ADAMTS7: variants seen among roughly 807,000 people sequenced by gnomAD.
ADAMTS7 encodes the protein A disintegrin and metalloproteinase with thrombospondin motifs 7.
Under a neutral mutation model 172.6 loss-of-function variants are expected in ADAMTS7, and 89 were observed. The ratio of observed to expected loss-of-function variants is 0.52; its 90% CI spans 0.43 to 0.61. The LOEUF is 0.61. ADAMTS7 is among the 20% of genes least tolerant of loss of function. The pLI is 0.00. For missense variants in ADAMTS7, 1,973 were observed against 2,355.6 expected, an observed-to-expected ratio of 0.84 and a Z score of 3.36; for synonymous variants, 885 against 978.4, an observed-to-expected ratio of 0.90 and a Z score of 1.78.
chr15:78,800,437 C>A lies in ADAMTS7; in HGVS notation c.211G>T (p.Asp71Tyr), dbSNP rs1389466657. 2 of 1,610,740 alleles carry A rather than the reference C, an allele frequency of 1.2e-6. No homozygotes were observed. The highest frequency in any genetic ancestry group is 2.7e-5 in the African/African-American group (2 of 74,918). ...GGCGCGTCTCGGCGCACAGATACAT[C>A]CCGCTTGCGCAGTGCGCGGGGCCAC... Reference protein sequence around the residue: ...ELWPRALRKRDVSVRRDAPAF... With the variant: ...ELWPRALRKRYVSVRRDAPAF... The change falls in exon 2 of 24, where the codon GAT (aspartate) becomes TAT (tyrosine). Residue 71 changes from aspartate to tyrosine, a missense_variant. By Grantham distance (160) the Asp-to-Tyr change is radical. Around this residue, in one of 8 missense-constraint regions of ADAMTS7, gnomAD observed 306 missense variants for 288.0 expected, o/e 1.06. Transcript: ENST00000388820.
At chr15:78,759,674 T>TC in intron 23 of ADAMTS7, 96 bp from the exon 24 acceptor site, 23 of 1,351,624 alleles carry the variant, frequency 1.7e-5, no homozygotes, top group Non-Finnish European at 2.2e-5. Flanking sequence ...CTCCAGCAGC[T>TC]CCCCACCAAG....
At position 78,766,025 on chromosome 15, in the gene ADAMTS7, G is replaced by A. The variant is rs1467989280; in HGVS notation, c.3886C>T (p.Pro1296Ser). Residue 1296 changes from proline to serine, a missense_variant, in exon 19 of 24, where the codon CCC becomes TCC. Pro to Ser is a moderately conservative substitution (Grantham distance 74). Around this residue, in one of 8 missense-constraint regions of ADAMTS7, gnomAD observed 771 missense variants for 952.6 expected, o/e 0.81. Coordinates refer to ENST00000388820, the MANE Select transcript of ADAMTS7 (RefSeq NM_014272.5). Reference protein sequence around the residue: ...TVGVASLLPPPIAPLPEMKVR... With the variant: ...TVGVASLLPPSIAPLPEMKVR... ...TTCATCTCTGGCAGAGGGGCTATGGGAGGAGGAAGGAGAGAAGCCACCCCA... is the reference window on the plus strand; with the variant it reads ...TTCATCTCTGGCAGAGGGGCTATGGAAGGAGGAAGGAGAGAAGCCACCCCA... 2 of 1,602,982 alleles carry A rather than the reference G, an allele frequency of 1.2e-6. No individual in the cohort carries two copies. Among genetic ancestry groups the A allele is most frequent in the African/African-American group, 2.7e-5 (2 of 74,840 alleles).
intron 10 of ADAMTS7, 98 bp downstream of exon 10, chr15:78,776,651 C>T: frequency 1.6e-6 from 2 of 1,264,868 alleles, no homozygotes; most frequent in South Asian, 1.4e-5. Context: ...GCTAGGAGCA[C>T]AAGCAAGACT....
chr15:78,790,773 G>C lies in ADAMTS7; in HGVS notation c.925C>G (p.His309Asp). The change falls in exon 6 of 24, where the codon CAT (histidine) becomes GAT (aspartate). Residue 309 changes from histidine to aspartate, a missense_variant. Physicochemically the swap from His to Asp is moderately conservative, Grantham distance 81 (BLOSUM62 -1). Transcript: ENST00000388820. ...DEEEDLKITH[H>D]ADNTLKSFCK... ...AAGCTCTTCAGGGTGTTGTCTGCAT[G>C]GTGCGTGATCTTTAGGTCCTCCTGG... 6.2e-7 allele frequency: 1 copy of C among 1,613,876 alleles called. No individual in the cohort carries two copies. Among genetic ancestry groups the C allele is most frequent in the Non-Finnish European group, 8.5e-7 (1 of 1,179,964 alleles).
At chr15:78,778,159 A>G (rs1331862044) in intron 8 of ADAMTS7, among the ~76,000 whole-genome samples, 1 of 151,990 alleles carries the variant, frequency 6.6e-6, no homozygotes, top group Non-Finnish European at 1.5e-5. Context: ...GTCATACCCT[A>G]TCTACTCCTG....
Position 78,788,349 on chromosome 15 carries a change from C to T in ADAMTS7, c.1204G>A (p.Gly402Ser), listed in dbSNP as rs371873554. Residue 402 changes from glycine (G) to serine (S), a missense_variant, in exon 8 of 24, where the codon GGC becomes AGC. Physicochemically the swap from Gly to Ser is moderately conservative, Grantham distance 56. Coordinates refer to ENST00000388820, the MANE Select transcript of ADAMTS7 (RefSeq NM_014272.5). ...TTCCCAACGGGCTCACAGTCATTGC[C>T]GCTTCCGTCATGCTGAATGCCAAAA... ...HSFGIQHDGS[G>S]NDCEPVGKRP... 4.3e-6 allele frequency: 7 copies of T among 1,613,022 alleles called. No individual in the cohort carries two copies. Among genetic ancestry groups the T allele is most frequent in the African/African-American group, 2.7e-5 (2 of 74,898 alleles).
intron 1 of ADAMTS7, among the ~76,000 whole-genome samples, chr15:78,807,790 CTTG>C (rs1025101628): frequency 6.6e-6 from 1 of 152,140 alleles, no homozygotes; most frequent in African/African-American, 2.4e-5. Context: ...CTTTTAAAAA[CTTG>C]TTGTTTTATC....
chr15:78,763,709 G>GGCCCCACC lies in ADAMTS7; in HGVS notation c.4722_4729dup (p.Pro1577ArgfsTer141). The GGCCCCACC allele has an allele frequency of 6.5e-7, 1 of 1,540,620 alleles. No homozygotes were observed. The highest frequency in any genetic ancestry group is 2.3e-5 in the East Asian group (1 of 44,018). On this transcript the variant is annotated frameshift_variant, in exon 22 of 24. Coordinates refer to ENST00000388820, the MANE Select transcript of ADAMTS7 (RefSeq NM_014272.5). LOFTEE classifies it high-confidence loss of function. ...CGCAGCCCGGCTCACCTGGCCCCAG[G>GGCCCCACC]GCCCCACCACCCACTGCGTGCAGGG...
In ADAMTS7 at chr15:78,776,205, C is replaced by T. The variant is rs1183616059; in HGVS notation, c.1689G>A (p.Arg563=). The T allele has an allele frequency of 6.2e-7, 1 of 1,611,006 alleles. No individual in the cohort carries two copies. The highest frequency in any genetic ancestry group is 8.5e-7 in the Non-Finnish European group (1 of 1,179,582). Residue 563 remains arginine (R), a synonymous_variant, in exon 11 of 24, where the codon CGG becomes CGA. Coordinates refer to ENST00000388820, the MANE Select transcript of ADAMTS7 (RefSeq NM_014272.5). ...ACACTCACGTAGGCTGCGTGCACTG[C>T]CGCTCGGCGCTCTGTACGCCCATGC... is the stretch of plus-strand genomic sequence containing the variant. ...SCGMGVQSAE[R]QCTQPTPKYK...
At position 78,774,906 on chromosome 15, in the gene ADAMTS7, C is replaced by A. The variant is rs149253178; in HGVS notation, c.1707-113G>T. ...ATCCACACCCCGAGATCCCTGCTGC[C>A]CAGCTTTGTGCACGCTGCTCCCCTC... On this transcript the variant is annotated intron_variant, in intron 11 of 23. Transcript: ENST00000388820. The A allele has an allele frequency of 1.9e-4, 257 of 1,327,938 alleles. 1 individual carries two copies. In the African/African-American group the frequency reaches 3.5e-3, roughly 18 times the overall value. 82.3% of individuals were successfully genotyped at this position (1,327,938 alleles called of 1,614,324 possible).
chr15:78,800,646 A>G, intron 1 of ADAMTS7, 99 bp from the exon 2 acceptor site: 1 of 1,093,318 alleles, frequency 9.1e-7, no homozygotes, highest in Non-Finnish European at 1.3e-6. Context: ...GGGCTGCTGG[A>G]GTCAGAGTAT....
intron 8 of ADAMTS7, among the ~76,000 whole-genome samples, chr15:78,779,754 G>A (rs1417031158): frequency 2.6e-5 from 4 of 152,282 alleles, no homozygotes; most frequent in African/African-American, 7.2e-5. Flanking sequence ...CCCTGGGGCT[G>A]AGGGGTCCAA....
chr15:78,788,316 A>G lies in ADAMTS7; in HGVS notation c.1237T>C (p.Phe413Leu). The G allele has an allele frequency of 4.3e-6, 7 of 1,613,634 alleles. No individual in the cohort carries two copies. Among genetic ancestry groups the G allele is most frequent in the Non-Finnish European group, 5.9e-6 (7 of 1,179,990 alleles). The part of the protein sequence containing the change: ...NDCEPVGKRP[F>L]IMSPQLLYDA... ...TACAGGAGCTGTGGAGACATGATGA[A>G]AGGTCGTTTCCCAACGGGCTCACAG... The change falls in exon 8 of 24, where the codon TTC becomes CTC. Residue 413 changes from phenylalanine (F) to leucine (L), a missense_variant. Physicochemically the swap from Phe to Leu is conservative, Grantham distance 22. This residue lies in a region of ADAMTS7 where 526 missense variants were observed against 662.9 expected (regional missense o/e 0.79). Transcript: ENST00000388820.
chr15:78,788,218 C>G lies in ADAMTS7; in HGVS notation c.1322+13G>C. The G allele has an allele frequency of 6.2e-7, 1 of 1,613,114 alleles. No homozygotes were observed. The highest frequency in any genetic ancestry group is 1.7e-5 in the Admixed American group (1 of 60,008). On this transcript the variant is annotated intron_variant, in intron 8 of 23. Coordinates refer to ENST00000388820, the MANE Select transcript of ADAMTS7 (RefSeq NM_014272.5). ...TGGATCAAGGTATAGGGGCCCAGGG[C>G]TGGGGGACTTACTCAAGGAACCTGG... is the stretch of plus-strand genomic sequence containing the variant.
At position 78,759,226 on chromosome 15, in the gene ADAMTS7, T is replaced by C. The variant is rs2054999582; in HGVS notation, c.*195A>G. The C allele has an allele frequency of 2.0e-6, 1 of 492,366 alleles. No individual in the cohort carries two copies. The highest frequency in any genetic ancestry group is 3.9e-5 in the South Asian group (1 of 25,474). The allele number at this position is 492,366 out of a possible 1,614,324, so 30.5% of individuals were successfully genotyped here. ...TGTGCTTTGGAATGGTAGATGCTCA[T>C]TTATGTAAAATCATAATAAATGTTA... is the stretch of plus-strand genomic sequence containing the variant. On this transcript the variant is annotated 3_prime_UTR_variant, in exon 24 of 24. Coordinates refer to ENST00000388820, the MANE Select transcript of ADAMTS7 (RefSeq NM_014272.5).
intron 16 of ADAMTS7, among the ~76,000 whole-genome samples, chr15:78,770,185 T>TAAATAAAATA (rs56251219): frequency 2.1e-4 from 31 of 150,080 alleles, no homozygotes; most frequent in African/African-American, 5.1e-4. Context: ...TAAAATAAAA[T>TAAATAAAATA]AAATAAAATA....
intron 23 of ADAMTS7, among the ~76,000 whole-genome samples, 172 bp from the exon 24 acceptor site, chr15:78,759,750 C>T (rs2055012050): frequency 6.6e-6 from 1 of 152,184 alleles, no homozygotes; most frequent in Non-Finnish European, 1.5e-5. Context: ...GTTGCTGTCT[C>T]TGTCCCACCT....
intron 8 of ADAMTS7, 144 bp from the exon 9 acceptor site, chr15:78,777,732 A>T (rs1315358997): frequency 9.1e-7 from 1 of 1,099,418 alleles, no homozygotes; most frequent in East Asian, 2.6e-5. Flanking sequence ...CGCTCGGCTC[A>T]GCCGATCCTC....
At chr15:78,796,105 C>T (rs2141517104) in intron 4 of ADAMTS7, among the ~76,000 whole-genome samples, 1 of 152,322 alleles carries the variant, frequency 6.6e-6, no homozygotes, top group Middle Eastern at 3.4e-3. Flanking sequence ...CCAAGGCTAC[C>T]AGCTAGTGAC....
Sources: allele counts gnomAD v4.1 joint callset (sites outside exome capture counted in the v4.1 genomes callset), GRCh38; gene constraint gnomAD v4.1.1; regional missense constraint gnomAD v4.1.1; transcripts MANE v1.5; gene names NCBI Gene and HGNC (gene_info 2026-07-23, HGNC 2026-07-21).